LCK: variants seen among roughly 807,000 people sequenced by gnomAD.
The protein encoded by LCK is LCK proto-oncogene, Src family tyrosine kinase.
LCK carries 14 observed loss-of-function variants against 64.6 expected under a neutral mutation model. The ratio of observed to expected loss-of-function variants is 0.22; its 90% confidence interval spans 0.14 to 0.34. The LOEUF (loss-of-function observed/expected upper bound fraction) is 0.34, where lower values mean the gene tolerates loss of function less well. LCK is among the 10% of genes least tolerant of loss of function. The pLI is 1.00. For missense variants in LCK, 434 were observed against 668.1 expected, an observed-to-expected ratio of 0.65 and a Z score of 3.86; for synonymous variants, 277 against 263.6, an observed-to-expected ratio of 1.05 and a Z score of -0.49.
chr1:32,274,437 A>G lies in LCK; in HGVS notation c.105+3A>G. The G allele has an allele frequency of 6.2e-7, 1 of 1,608,516 alleles. No individual in the cohort carries two copies. The highest frequency in any genetic ancestry group is 8.5e-7 in the Non-Finnish European group (1 of 1,176,628). ...TCCCACTGGATGGCAAGGGCACGGTAAGAGGCGAGACAGGGGCCTTGGTGA... is the reference window on the plus strand; with the variant it reads ...TCCCACTGGATGGCAAGGGCACGGTGAGAGGCGAGACAGGGGCCTTGGTGA... On this transcript the variant is annotated splice_donor_region_variant and intron_variant, in intron 2 of 12. Coordinates refer to ENST00000336890, the MANE Select transcript of LCK (RefSeq NM_005356.5).
intron 1 of LCK, among the ~76,000 whole-genome samples, chr1:32,261,674 G>T (rs1639774923): frequency 7.0e-6 from 1 of 142,656 alleles, no homozygotes; most frequent in Admixed American, 7.1e-5. Flanking sequence ...AAAAAAAAGG[G>T]CCAGGTGTGG....
chr1:32,254,908 G>A (rs554168056), intron 1 of LCK, among the ~76,000 whole-genome samples: 1 of 152,164 alleles, frequency 6.6e-6, no homozygotes, highest in East Asian at 1.9e-4. Flanking sequence ...TAGCACTTTG[G>A]GGGGCCGTGA....
At chr1:32,281,394 A>C (rs1640454818) in intron 12 of LCK, among the ~76,000 whole-genome samples, 1 of 150,362 alleles carries the variant, frequency 6.7e-6, no homozygotes, top group Non-Finnish European at 1.5e-5. Context: ...CAGGAGGTTG[A>C]GGGTGCAGTG....
intron 9 of LCK, among the ~76,000 whole-genome samples, chr1:32,278,633 C>T (rs116811731): frequency 6.6e-6 from 1 of 152,134 alleles, no homozygotes; most frequent in Non-Finnish European, 1.5e-5. Context: ...GCCACCATGC[C>T]CAGCCTATCA....
In LCK at chr1:32,275,859, C is replaced by T; in HGVS notation, c.482-55C>T. The T allele has an allele frequency of 3.1e-6, 5 of 1,598,028 alleles. No individual in the cohort carries two copies. The highest frequency in any genetic ancestry group is 1.7e-4 in the Middle Eastern group (1 of 5,804). On this transcript the variant is annotated intron_variant, in intron 6 of 12. Coordinates refer to ENST00000336890, the MANE Select transcript of LCK (RefSeq NM_005356.5). This position sits in a 1 kb window ranked among gnomAD's most constrained non-coding sequence, Gnocchi z 6.9. ...TGAGCCCAAGGTGGGGGCGCGGTGG[C>T]GGGCCAGACTCACTGCGTTCTTTCG...
At position 32,279,823 on chromosome 1, in the gene LCK, T is replaced by C. The variant is rs914862486; in HGVS notation, c.1042-18T>C. On this transcript the variant is annotated intron_variant, in intron 10 of 12. Coordinates refer to ENST00000336890, the MANE Select transcript of LCK (RefSeq NM_005356.5). Reference sequence around the variant, plus strand: ...AAGACATCTGGCTCAGGACCGCTGATCTGTGTTTGGCCTGCAGATTGCAGA... The same window carrying C: ...AAGACATCTGGCTCAGGACCGCTGACCTGTGTTTGGCCTGCAGATTGCAGA... The C allele has an allele frequency of 2.5e-6, 4 of 1,613,766 alleles. No homozygotes were observed. Among genetic ancestry groups the C allele is most frequent in the Non-Finnish European group, 3.4e-6 (4 of 1,179,806 alleles).
At chr1:32,279,072 G>C (rs563912488) in intron 9 of LCK, among the ~76,000 whole-genome samples, 1 of 152,144 alleles carries the variant, frequency 6.6e-6, no homozygotes, top group Non-Finnish European at 1.5e-5. Context: ...ATGAAACAAG[G>C]TTCCTGTTGT....
chr1:32,256,374 A>G (rs1639633953), intron 1 of LCK, among the ~76,000 whole-genome samples: 1 of 152,098 alleles, frequency 6.6e-6, no homozygotes, highest in Admixed American at 6.6e-5. Context: ...AGGTGGGTGC[A>G]TCATCTGAGG....
intron 1 of LCK, among the ~76,000 whole-genome samples, chr1:32,254,803 C>T (rs987507145): frequency 7.2e-5 from 11 of 152,158 alleles, no homozygotes; most frequent in East Asian, 1.9e-4. Context: ...TGAGCCACCT[C>T]GCCCGGCTGT....
At position 32,276,598 on chromosome 1, in the gene LCK, C is replaced by G. The variant is rs1402715442; in HGVS notation, c.785-9C>G. Reference sequence around the variant, plus strand: ...GCGACTTTCCCACTCCTTCCCTTCCCCGACCCAGGGTACTACAACGGGCAC... The same window carrying G: ...GCGACTTTCCCACTCCTTCCCTTCCGCGACCCAGGGTACTACAACGGGCAC... On this transcript the variant is annotated splice_polypyrimidine_tract_variant and intron_variant, in intron 8 of 12. Transcript: ENST00000336890. The surrounding 1 kb of genome is among the most constrained non-coding windows in gnomAD (Gnocchi z 4.6). 2 of 1,599,168 alleles carry G rather than the reference C, an allele frequency of 1.3e-6. No individual in the cohort carries two copies. The highest frequency in any genetic ancestry group is 2.2e-5 in the South Asian group (2 of 89,780).
At chr1:32,255,725 C>T (rs540397404) in intron 1 of LCK, among the ~76,000 whole-genome samples, 43 of 152,028 alleles carry the variant, frequency 2.8e-4, no homozygotes, top group Non-Finnish European at 5.1e-4. Flanking sequence ...ATGCATGGGA[C>T]GCTCTCTGTC....
intron 1 of LCK, among the ~76,000 whole-genome samples, chr1:32,258,814 A>C (rs1320703513): frequency 2.0e-5 from 3 of 151,126 alleles, no homozygotes; most frequent in Non-Finnish European, 4.4e-5. Flanking sequence ...AAAAAAAAAA[A>C]AAAAAAAAAC....
intron 1 of LCK, among the ~76,000 whole-genome samples, chr1:32,257,283 C>G (rs1264991178): frequency 6.7e-6 from 1 of 148,820 alleles, no homozygotes; most frequent in Admixed American, 6.8e-5. Flanking sequence ...AGGTCTTGCT[C>G]TGTCGCCTAG....
In LCK at chr1:32,285,759, C is replaced by T. The variant is rs202168630; in HGVS notation, c.*43C>T. The T allele has an allele frequency of 8.4e-6, 13 of 1,542,770 alleles. No homozygotes were observed. In the East Asian group the frequency reaches 2.7e-4, roughly 32 times the overall value. ...TGGGGTTCTCCCCCTTTCTCTCCAG[C>T]CTGACTTGGGGAGATGGAGTTCTTG... On this transcript the variant is annotated 3_prime_UTR_variant, in exon 13 of 13. Transcript: ENST00000336890.
chr1:32,267,402 C>T (rs1378607168), intron 1 of LCK, among the ~76,000 whole-genome samples: 1 of 152,092 alleles, frequency 6.6e-6, no homozygotes, highest in Non-Finnish European at 1.5e-5. Flanking sequence ...CACTCATGCT[C>T]TGGAAAAATG....
chr1:32,275,790 C>A lies in LCK; in HGVS notation c.481+118C>A. On this transcript the variant is annotated intron_variant, in intron 6 of 12. Coordinates refer to ENST00000336890, the MANE Select transcript of LCK (RefSeq NM_005356.5). The surrounding 1 kb of genome is among the most constrained non-coding windows in gnomAD (Gnocchi z 6.9). ...GAGTCGGAGGGGGACGCGGGATGAG[C>A]CCGAGGTGGGGGCGCGGGATGACCC... 7.1e-7 allele frequency: 1 copy of A among 1,415,708 alleles called. No homozygotes were observed. Among genetic ancestry groups the A allele is most frequent in the South Asian group, 1.3e-5 (1 of 77,262 alleles). The allele number at this position is 1,415,708 out of a possible 1,614,324, so 87.7% of individuals were successfully genotyped here.
chr1:32,264,570 A>G (rs907639661), intron 1 of LCK, among the ~76,000 whole-genome samples: 7 of 152,080 alleles, frequency 4.6e-5, no homozygotes, highest in African/African-American at 1.4e-4. Flanking sequence ...CAATCACTGA[A>G]CCTCTCCTTT....
chr1:32,256,820 G>A (rs540909308), intron 1 of LCK, among the ~76,000 whole-genome samples: 2 of 152,270 alleles, frequency 1.3e-5, no homozygotes, highest in South Asian at 2.1e-4. Context: ...AGTGATTTTA[G>A]GGGATAATGG....
In LCK at chr1:32,275,991, G is replaced by T; in HGVS notation, c.559G>T (p.Asp187Tyr). The change falls in exon 7 of 13, where the codon GAC (aspartate) becomes TAC (tyrosine). Residue 187 changes from aspartate to tyrosine, a missense_variant. This residue lies in a region of LCK where 233 missense variants were observed against 291.2 expected (regional missense o/e 0.80). Transcript: ENST00000336890. This position sits in a 1 kb window ranked among gnomAD's most constrained non-coding sequence, Gnocchi z 6.9. ...VVKHYKIRNL[D>Y]NGGFYISPRI... ...GAAACATTACAAGATCCGTAATCTG[G>T]ACAACGGTGGCTTCTACATCTCCCC... The T allele has an allele frequency of 6.2e-7, 1 of 1,614,124 alleles. No homozygotes were observed. Among genetic ancestry groups the T allele is most frequent in the Non-Finnish European group, 8.5e-7 (1 of 1,180,014 alleles).
Sources: allele counts gnomAD v4.1 joint callset (sites outside exome capture counted in the v4.1 genomes callset), GRCh38; gene constraint gnomAD v4.1.1; regional missense constraint gnomAD v4.1.1; non-coding constraint Gnocchi (gnomAD v3.1); transcripts MANE v1.5; gene names NCBI Gene and HGNC (gene_info 2026-07-23, HGNC 2026-07-21).